Variants in HECW2 observed in about 807,000 individuals in gnomAD.
HECW2 encodes the protein HECT, C2 and WW domain containing E3 ubiquitin protein ligase 2.
In HECW2, 61 loss-of-function variants were observed where a neutral mutation model predicts 175.2. The ratio of observed to expected loss-of-function variants is 0.35; its 90% CI spans 0.28 to 0.43. The LOEUF (loss-of-function observed/expected upper bound fraction) is 0.43, where lower values mean the gene tolerates loss of function less well. Among genes scored for constraint, HECW2 ranks in the 20% least tolerant of loss-of-function variants. The pLI, the probability that HECW2 is intolerant of heterozygous loss-of-function variation, is 1.00. For missense variants in HECW2, 1,524 were observed against 2,000.5 expected (o/e 0.76, Z 4.54); for synonymous variants, 671 against 731.0 (o/e 0.92, Z 1.32).
intron 1 of HECW2, among the ~76,000 whole-genome samples, chr2:196,566,098 C>T (rs1440117247): frequency 6.6e-6 from 1 of 151,812 alleles, no homozygotes; most frequent in Non-Finnish European, 1.5e-5. Flanking sequence ...AAATGAATTG[C>T]TTTTAGCGAT....
At chr2:196,308,329 T>C (rs1691348620) in intron 10 of HECW2, among the ~76,000 whole-genome samples, 2 of 152,202 alleles carry the variant, frequency 1.3e-5, no homozygotes, top group Non-Finnish European at 2.9e-5. Context: ...GTAGAGAATC[T>C]TTCCAAATTT....
chr2:196,547,030 A>G (rs1311648385), intron 1 of HECW2, among the ~76,000 whole-genome samples: 1 of 152,200 alleles, frequency 6.6e-6, no homozygotes, highest in East Asian at 1.9e-4. Context: ...TCTACAATAC[A>G]GTATGAAGAC....
At chr2:196,217,427 G>T (rs1687516531) in intron 26 of HECW2, 1 of 207,480 alleles carries the variant, frequency 4.8e-6, no homozygotes, top group Admixed American at 5.7e-5. Flanking sequence ...AACTCTTTCG[G>T]TCATTCACAT....
intron 1 of HECW2, among the ~76,000 whole-genome samples, chr2:196,561,018 T>C (rs151040359): frequency 4.6e-5 from 7 of 152,164 alleles, no homozygotes; most frequent in Non-Finnish European, 1.0e-4. Flanking sequence ...ACAGCGATGT[T>C]CAGGGAACAA....
chr2:196,281,531 T>A (rs10208239), intron 14 of HECW2, among the ~76,000 whole-genome samples: 3,696 of 149,762 alleles, frequency 0.025, 164 homozygotes, highest in African/African-American at 0.087. Flanking sequence ...TCCCAGCTAC[T>A]TGGGAGGCTG....
chr2:196,510,860 A>G (rs529042758), intron 1 of HECW2, among the ~76,000 whole-genome samples: 1 of 152,346 alleles, frequency 6.6e-6, no homozygotes, highest in Admixed American at 6.5e-5. Flanking sequence ...ACAAGCAATT[A>G]GTAGTGAGGA....
chr2:196,447,747 C>A (rs1257106352), intron 1 of HECW2, among the ~76,000 whole-genome samples: 1 of 152,070 alleles, frequency 6.6e-6, no homozygotes, highest in South Asian at 2.1e-4. Context: ...AATGAATTAT[C>A]CCAACCCTCT....
chr2:196,351,118 A>C (rs1461038038), intron 2 of HECW2, among the ~76,000 whole-genome samples: 1 of 152,206 alleles, frequency 6.6e-6, no homozygotes, highest in Admixed American at 6.5e-5. Context: ...CTTCCCTGGA[A>C]AAGTTGATAA....
chr2:196,407,096 C>T (rs1694985223), intron 2 of HECW2, among the ~76,000 whole-genome samples: 1 of 151,962 alleles, frequency 6.6e-6, no homozygotes, highest in African/African-American at 2.4e-5. Flanking sequence ...ATAATAAGTG[C>T]TTTCTCAGTA....
At position 196,242,189 on chromosome 2, in the gene HECW2, T is replaced by C. The variant is rs1212719422; in HGVS notation, c.3545A>G (p.Asn1182Ser). Residue 1182 changes from asparagine to serine, a missense_variant, in exon 20 of 29, where the codon AAT (asparagine) becomes AGT (serine). Physicochemically the swap from Asn to Ser is conservative, Grantham distance 46. Coordinates refer to ENST00000644978, the MANE Select transcript of HECW2 (RefSeq NM_001348768.2). ...PQNSPGTQRA[N>S]ARAPAPYKRD... The stretch of plus-strand genomic sequence containing the variant: ...CTTGTAAGGGGCTGGAGCCCGGGCA[T>C]TGGCACGCTGGGTACCTGCAGCAAA... The C allele has an allele frequency of 5.6e-6, 9 of 1,614,078 alleles. No homozygotes were observed. Among genetic ancestry groups the C allele is most frequent in the Non-Finnish European group, 7.6e-6 (9 of 1,180,018 alleles).
At chr2:196,538,409 T>C in intron 1 of HECW2, among the ~76,000 whole-genome samples, 1 of 152,200 alleles carries the variant, frequency 6.6e-6, no homozygotes, top group East Asian at 1.9e-4. Context: ...AAGGGTAATA[T>C]GCTAGCTGGC....
At chr2:196,496,408 GTA>G (rs3082160) in intron 1 of HECW2, among the ~76,000 whole-genome samples, 50,448 of 150,576 alleles carry the variant, frequency 0.34, 11,443 homozygotes, top group African/African-American at 0.65. Context: ...TTCCATATAT[GTA>G]TATATATATA....
chr2:196,580,792 C>G (rs1339285160), intron 1 of HECW2, among the ~76,000 whole-genome samples: 1 of 152,074 alleles, frequency 6.6e-6, no homozygotes, highest in African/African-American at 2.4e-5. Context: ...CAATTTTACT[C>G]CTATATATAT....
chr2:196,540,372 A>G (rs1302439537), intron 1 of HECW2, among the ~76,000 whole-genome samples: 5 of 152,222 alleles, frequency 3.3e-5, no homozygotes, highest in Non-Finnish European at 7.3e-5. Context: ...GACATTGATC[A>G]GAATTTAATA....
intron 21 of HECW2, among the ~76,000 whole-genome samples, chr2:196,230,958 C>CAGAA (rs1178540669): frequency 3.3e-5 from 5 of 151,996 alleles, no homozygotes; most frequent in Non-Finnish European, 7.4e-5. Context: ...AAAAAATTAG[C>CAGAA]TGGGTGTGGT....
At chr2:196,241,756 T>C (rs555656201) in intron 20 of HECW2, among the ~76,000 whole-genome samples, 7 of 152,266 alleles carry the variant, frequency 4.6e-5, no homozygotes, top group East Asian at 1.9e-4. Flanking sequence ...GTGGAGGACA[T>C]TGGGATAGCT....
At chr2:196,441,416 C>T (rs1408764826) in intron 1 of HECW2, among the ~76,000 whole-genome samples, 1 of 151,606 alleles carries the variant, frequency 6.6e-6, no homozygotes, top group Non-Finnish European at 1.5e-5. Context: ...CTATACTATG[C>T]TTCAAACTCC....
chr2:196,455,790 T>C (rs1696491235), intron 1 of HECW2, among the ~76,000 whole-genome samples: 1 of 152,042 alleles, frequency 6.6e-6, no homozygotes, highest in South Asian at 2.1e-4. Context: ...TTCTTGCAAA[T>C]TAATTTGCAA....
At chr2:196,413,341 C>T (rs990237352) in intron 2 of HECW2, among the ~76,000 whole-genome samples, 2 of 151,164 alleles carry the variant, frequency 1.3e-5, no homozygotes, top group African/African-American at 4.9e-5. Flanking sequence ...GGTGACAGAG[C>T]AAGACCCTGT....
Sources: gnomAD v4.1 joint callset for allele counts (sites outside exome capture counted in the v4.1 genomes callset) on GRCh38, gnomAD v4.1.1 for gene constraint, MANE v1.5 for transcripts, NCBI Gene and HGNC (gene_info 2026-07-23, HGNC 2026-07-21) for gene names.